ITPR2: variants seen among roughly 807,000 people sequenced by gnomAD.
The protein encoded by ITPR2 is inositol 1,4,5-trisphosphate receptor type 2, also known as inositol 1,4,5-trisphosphate-gated calcium channel ITPR2.
In ITPR2, 207 loss-of-function variants were observed where a neutral mutation model predicts 317.1. The ratio of observed to expected loss-of-function variants is 0.65; its 90% CI spans 0.58 to 0.73. ITPR2 has a LOEUF of 0.73. ITPR2 is among the 30% of genes least tolerant of loss of function. The probability of loss-of-function intolerance (pLI) is 0.00; values close to 1 mark genes in which losing one functional copy is unlikely to be tolerated. For synonymous variants in ITPR2, 1,156 were observed against 1,149.1 expected (o/e 1.01, Z -0.12); for missense variants, 2,613 against 3,284.0 (o/e 0.80, Z 4.99).
chr12:26,804,281 G>A (rs934250365), intron 1 of ITPR2, among the ~76,000 whole-genome samples: 1 of 152,148 alleles, frequency 6.6e-6, no homozygotes, highest in Non-Finnish European at 1.5e-5. Context: ...TGGTATGGAT[G>A]GAATCAATGG....
intron 34 of ITPR2, 122 bp from the exon 35 acceptor site, chr12:26,562,074 TG>T: frequency 1.5e-6 from 1 of 656,884 alleles, no homozygotes; most frequent in Non-Finnish European, 2.3e-6. Flanking sequence ...GCCATTAACT[TG>T]TTTTATATAA....
intron 10 of ITPR2, among the ~76,000 whole-genome samples, chr12:26,687,307 G>A (rs1244200122): frequency 6.6e-6 from 1 of 152,126 alleles, no homozygotes; most frequent in African/African-American, 2.4e-5. Flanking sequence ...AGTACCCCAT[G>A]GAAGAACTGG....
At chr12:26,688,322 G>A (rs1224607677) in intron 10 of ITPR2, among the ~76,000 whole-genome samples, 8 of 152,076 alleles carry the variant, frequency 5.3e-5, no homozygotes, top group Non-Finnish European at 1.0e-4. Flanking sequence ...TTACAGGCGT[G>A]GGCCACTGCA....
At chr12:26,571,324 A>G (rs1945154633) in intron 34 of ITPR2, among the ~76,000 whole-genome samples, 1 of 152,354 alleles carries the variant, frequency 6.6e-6, no homozygotes, top group Non-Finnish European at 1.5e-5. Flanking sequence ...CATAGCCTCA[A>G]AACATTAATG....
intron 54 of ITPR2, among the ~76,000 whole-genome samples, chr12:26,389,333 T>C (rs979728579): frequency 2.0e-5 from 3 of 152,236 alleles, no homozygotes; most frequent in Non-Finnish European, 4.4e-5. Context: ...CAGTTATGTT[T>C]GAATTTCAGA....
At chr12:26,749,410 T>G (rs899525297) in intron 2 of ITPR2, among the ~76,000 whole-genome samples, 2 of 152,202 alleles carry the variant, frequency 1.3e-5, no homozygotes, top group African/African-American at 4.8e-5. Context: ...ACTCTAGTAA[T>G]CATAAGGTTT....
chr12:26,351,941 T>C (rs113076864), intron 55 of ITPR2, among the ~76,000 whole-genome samples: 29 of 152,242 alleles, frequency 1.9e-4, no homozygotes, highest in Non-Finnish European at 3.5e-4. Context: ...CTCGCTGAGA[T>C]AGACAAAAAC....
intron 55 of ITPR2, among the ~76,000 whole-genome samples, chr12:26,344,637 A>G (rs1938245949): frequency 6.6e-6 from 1 of 151,682 alleles, no homozygotes; most frequent in African/African-American, 2.4e-5. Flanking sequence ...GAGCCACAGA[A>G]CTCCCTTTCC....
chr12:26,400,019 A>T (rs1233363580), intron 53 of ITPR2, 109 bp downstream of exon 53: 3 of 1,165,808 alleles, frequency 2.6e-6, no homozygotes, highest in Non-Finnish European at 3.5e-6. Context: ...CTTTTAAAGC[A>T]AATGGTACAA....
chr12:26,441,223 G>A (rs754324947), intron 46 of ITPR2, among the ~76,000 whole-genome samples: 1 of 152,134 alleles, frequency 6.6e-6, no homozygotes, highest in Non-Finnish European at 1.5e-5. Flanking sequence ...GAACTCTATC[G>A]CAGGAAGAAT....
chr12:26,810,131 T>C (rs577477502), intron 1 of ITPR2, among the ~76,000 whole-genome samples: 35 of 152,366 alleles, frequency 2.3e-4, no homozygotes, highest in African/African-American at 8.4e-4. Flanking sequence ...CCCTTGCTTT[T>C]GTCTAGTCTG....
At chr12:26,586,262 G>A (rs4408390) in intron 32 of ITPR2, among the ~76,000 whole-genome samples, 21 of 151,656 alleles carry the variant, frequency 1.4e-4, no homozygotes, top group African/African-American at 3.9e-4. Flanking sequence ...CTCTTCCCTC[G>A]GTGTCCCTAG....
At chr12:26,593,632 A>C (rs551617075) in intron 32 of ITPR2, among the ~76,000 whole-genome samples, 1 of 152,342 alleles carries the variant, frequency 6.6e-6, no homozygotes, top group East Asian at 1.9e-4. Context: ...TTAGACATAA[A>C]TAATAAATAG....
rs112175595 is a variant in ITPR2 at position 26,821,296 on chromosome 12, G to A, written c.92+11394C>T. ...CAGAAATTGGAGCCCTGCTCACAGT[G>A]ATTTCCCCGGTAGCCAGATCTGGGC... On this transcript the variant is annotated intron_variant, in intron 1 of 56. Coordinates refer to ENST00000381340, the MANE Select transcript of ITPR2 (RefSeq NM_002223.4). Among the ~76,000 whole-genome samples, 1,124 of 152,262 alleles carry A rather than the reference G, an allele frequency of 7.4e-3. 10 individuals are homozygous for A. Among genetic ancestry groups the A allele is most frequent in the African/African-American group, 0.025 (1,048 of 41,538 alleles).
intron 46 of ITPR2, among the ~76,000 whole-genome samples, chr12:26,439,790 A>T (rs1448208869): frequency 6.6e-6 from 1 of 152,194 alleles, no homozygotes; most frequent in Non-Finnish European, 1.5e-5. Context: ...TACAGAGAAA[A>T]GCGCTTTATA....
chr12:26,624,353 A>G lies in ITPR2; in HGVS notation c.3068T>C (p.Ile1023Thr), dbSNP rs377516178. 1.6e-5 allele frequency: 25 copies of G among 1,606,774 alleles called. No individual in the cohort carries two copies. Among genetic ancestry groups the G allele is most frequent in the Admixed American group, 8.4e-5 (5 of 59,406 alleles). ...TGCAATTTCATCTATATCAGGAACAATAGCTGCAAAGATAAATGGTAAAAT... is the reference window on the plus strand; with the variant it reads ...TGCAATTTCATCTATATCAGGAACAGTAGCTGCAAAGATAAATGGTAAAAT... ...GSPDTLLPSA[I>T]VPDIDEIAAQ... The change falls in exon 24 of 57, where the codon ATT (isoleucine) becomes ACT (threonine). Residue 1023 changes from isoleucine (I) to threonine (T), a missense_variant. By Grantham distance (89) the Ile-to-Thr change is moderately conservative. Coordinates refer to ENST00000381340, the MANE Select transcript of ITPR2 (RefSeq NM_002223.4).
Position 26,443,615 on chromosome 12 carries a change from G to T in ITPR2, c.6378C>A (p.Leu2126=). ...ARHNKLLQQM[L]KPGSDPDEGD... ...CTTCATCTGGATCCGATCCTGGTTT[G>T]AGCATCTGCTGCAACAGTTTATTGT... Residue 2126 remains leucine, a synonymous_variant, in exon 46 of 57, where the codon CTC becomes CTA. Coordinates refer to ENST00000381340, the MANE Select transcript of ITPR2 (RefSeq NM_002223.4). The T allele has an allele frequency of 6.2e-7, 1 of 1,613,106 alleles. No homozygotes were observed. Among genetic ancestry groups the T allele is most frequent in the South Asian group, 1.1e-5 (1 of 91,050 alleles).
intron 55 of ITPR2, among the ~76,000 whole-genome samples, chr12:26,360,912 G>C (rs1428184776): frequency 6.6e-6 from 1 of 151,554 alleles, no homozygotes; most frequent in Non-Finnish European, 1.5e-5. Context: ...TACTTATTGA[G>C]AACTAACAAC....
chr12:26,514,313 C>A (rs536703628), intron 37 of ITPR2, among the ~76,000 whole-genome samples: 5 of 152,182 alleles, frequency 3.3e-5, no homozygotes, highest in Admixed American at 2.6e-4. Flanking sequence ...AAAAACAAAG[C>A]GATTACAGTA....
Sources: gnomAD v4.1 joint callset for allele counts (sites outside exome capture counted in the v4.1 genomes callset) on GRCh38, gnomAD v4.1.1 for gene constraint, MANE v1.5 for transcripts, NCBI Gene and HGNC (gene_info 2026-07-23, HGNC 2026-07-21) for gene names.